The following PDE10A variants were observed in gnomAD, a reference collection of about 807,000 sequenced individuals.
PDE10A encodes the protein phosphodiesterase 10A.
A neutral mutation model predicts 97.7 loss-of-function variants in PDE10A; 39 were observed. The observed-to-expected ratio is 0.40, with a 90% confidence interval of 0.31 to 0.52. The LOEUF (loss-of-function observed/expected upper bound fraction) is 0.52, where lower values mean the gene tolerates loss of function less well. PDE10A is among the 20% of genes least tolerant of loss of function. The pLI is 0.56. For synonymous variants in PDE10A, 371 were observed against 376.8 expected, an observed-to-expected ratio of 0.98 and a Z score of 0.18; for missense variants, 731 against 1,047.8, an observed-to-expected ratio of 0.70 and a Z score of 4.17.
rs1790366485 is a variant in PDE10A, at chr6:165,662,929, G to A, written c.-118C>T. On this transcript the variant is annotated 5_prime_UTR_variant, in exon 1 of 22. Transcript: ENST00000539869. ...ACCCCTGCCGGCCGCCCGAACCGCTGCCTGGTCCTCCTCTCCGGTCTTCGG... is the reference window on the plus strand; with the variant it reads ...ACCCCTGCCGGCCGCCCGAACCGCTACCTGGTCCTCCTCTCCGGTCTTCGG... 6.6e-6 allele frequency among the ~76,000 whole-genome samples: 1 copy of A among 151,352 alleles called. No individual in the cohort carries two copies. Among genetic ancestry groups the A allele is most frequent in the Admixed American group, 6.6e-5 (1 of 15,248 alleles).
chr6:165,817,583 T>A (rs1298640139), intron 1 of PDE10A, among the ~76,000 whole-genome samples: 1 of 152,144 alleles, frequency 6.6e-6, no homozygotes, highest in Admixed American at 6.5e-5. Context: ...CTAGATGTAG[T>A]TAAACTGTAG....
intron 1 of PDE10A, among the ~76,000 whole-genome samples, chr6:165,919,336 A>G (rs1257334129): frequency 1.3e-5 from 2 of 152,256 alleles, no homozygotes; most frequent in East Asian, 1.9e-4. Context: ...AAGGCACTAC[A>G]TGCCATGAGC....
At chr6:165,774,526 A>G (rs1583069710) in intron 1 of PDE10A, among the ~76,000 whole-genome samples, 1 of 148,008 alleles carries the variant, frequency 6.8e-6, no homozygotes, top group East Asian at 1.9e-4. Context: ...TATATTACAT[A>G]TTATATATAA....
chr6:165,761,388 G>A (rs1013103343), intron 1 of PDE10A, among the ~76,000 whole-genome samples: 3 of 152,226 alleles, frequency 2.0e-5, no homozygotes, highest in Admixed American at 1.3e-4. Flanking sequence ...CTAAGTCCAT[G>A]CTCAGTTGAC....
At position 165,723,830 on chromosome 6, in the gene PDE10A, C is replaced by T. The variant is rs376541743; in HGVS notation, c.-614-180262G>A. ...GCCATTTGGGAGGTATGGGAACAAA[C>T]GAGAAATAAGATAAAGGTGTTTTTT... is the stretch of plus-strand genomic sequence containing the variant. On this transcript the variant is annotated intron_variant, in intron 1 of 19. Transcript: ENST00000366882. Among the ~76,000 whole-genome samples, 163 of 147,028 alleles carry T rather than the reference C, an allele frequency of 1.1e-3. 1 individual carries two copies. The highest frequency in any genetic ancestry group is 3.8e-3 in the African/African-American group (147 of 39,004).
rs146035579 is a variant in PDE10A at position 165,711,313 on chromosome 6, A to G, written c.-614-167745T>C. Among the ~76,000 whole-genome samples, 72 of 152,284 alleles carry G rather than the reference A, an allele frequency of 4.7e-4. No homozygotes were observed. The highest frequency in any genetic ancestry group is 1.7e-3 in the African/African-American group (69 of 41,568). ...GGCCCTTCAAGTTGGGCACTGTGGC[A>G]CCATTACAGATGGTATGATTCAGCG... On this transcript the variant is annotated intron_variant, in intron 1 of 19. Transcript: ENST00000366882. This position sits in a 1 kb window ranked among gnomAD's most constrained non-coding sequence, Gnocchi z 4.5.
intron 1 of PDE10A, among the ~76,000 whole-genome samples, chr6:165,577,650 G>C (rs1375171128): frequency 6.6e-6 from 1 of 152,154 alleles, no homozygotes; most frequent in African/African-American, 2.4e-5. Context: ...CCCCACACGT[G>C]GGCCGCCTGC....
intron 1 of PDE10A, among the ~76,000 whole-genome samples, chr6:165,880,392 A>C (rs1339170184): frequency 6.6e-6 from 1 of 152,188 alleles, no homozygotes; most frequent in African/African-American, 2.4e-5. Context: ...GAGAATTGGT[A>C]CTAGGAGTGG....
chr6:165,902,349 C>T (rs113842078), intron 1 of PDE10A, among the ~76,000 whole-genome samples: 2 of 152,160 alleles, frequency 1.3e-5, no homozygotes, highest in South Asian at 2.1e-4. Flanking sequence ...AGCCGGCTGC[C>T]GAGCTGTGAG....
chr6:165,543,980 T>A (rs1783604750), intron 1 of PDE10A, among the ~76,000 whole-genome samples: 1 of 152,188 alleles, frequency 6.6e-6, no homozygotes, highest in Non-Finnish European at 1.5e-5. Flanking sequence ...TAGCAATAAA[T>A]TTCAGAGTTA....
chr6:165,526,351 C>A (rs1782446145), intron 2 of PDE10A, among the ~76,000 whole-genome samples: 1 of 152,152 alleles, frequency 6.6e-6, no homozygotes, highest in South Asian at 2.1e-4. Context: ...GTGGTCATTT[C>A]CCCAGTGTCA....
chr6:165,873,208 CA>C (rs1436456333), intron 1 of PDE10A, among the ~76,000 whole-genome samples: 13 of 152,264 alleles, frequency 8.5e-5, no homozygotes, highest in South Asian at 4.1e-4. Context: ...AAGATGATGT[CA>C]AAATCATCTC....
intron 9 of PDE10A, 139 bp downstream of exon 9, chr6:165,430,139 ATAATATGAT>A: frequency 1.7e-6 from 1 of 596,508 alleles, no homozygotes; most frequent in Non-Finnish European, 3.0e-6. Context: ...TCTACAATCC[ATAATATGAT>A]TAACCGTTCC....
At chr6:165,839,005 T>C (rs1384887808) in intron 1 of PDE10A, among the ~76,000 whole-genome samples, 1 of 152,252 alleles carries the variant, frequency 6.6e-6, no homozygotes, top group Non-Finnish European at 1.5e-5. Flanking sequence ...TGAAAATATA[T>C]GACATTTGTG....
intron 1 of PDE10A, among the ~76,000 whole-genome samples, chr6:165,691,504 G>A (rs918085899): frequency 3.3e-5 from 5 of 151,516 alleles, no homozygotes; most frequent in Admixed American, 6.6e-5. Context: ...CAACAAAATC[G>A]CCTGATAACA....
Position 165,418,966 on chromosome 6 carries a change from T to C in PDE10A, c.1654-189A>G, listed in dbSNP as rs572385908. On this transcript the variant is annotated intron_variant, in intron 10 of 21. Transcript: ENST00000539869. This position sits in a 1 kb window ranked among gnomAD's most constrained non-coding sequence, Gnocchi z 4.8. ...ATATGATATAAAAGTCACTGTTACATGCTAATACTAACAGATCCCAACAGA... is the reference window on the plus strand; with the variant it reads ...ATATGATATAAAAGTCACTGTTACACGCTAATACTAACAGATCCCAACAGA... 1.3e-5 allele frequency among the ~76,000 whole-genome samples: 2 copies of C among 152,336 alleles called. No homozygotes were observed. Among genetic ancestry groups the C allele is most frequent in the Admixed American group, 6.5e-5 (1 of 15,298 alleles).
At chr6:165,438,346 G>A (rs1394972786) in intron 5 of PDE10A, among the ~76,000 whole-genome samples, 5 of 152,004 alleles carry the variant, frequency 3.3e-5, no homozygotes, top group African/African-American at 9.7e-5. Context: ...GTGCCACCAC[G>A]CCCAGCTAAT....
At chr6:165,424,384 A>C (rs1434551237) in intron 10 of PDE10A, among the ~76,000 whole-genome samples, 11 of 152,148 alleles carry the variant, frequency 7.2e-5, no homozygotes, top group Non-Finnish European at 1.6e-4. Flanking sequence ...ACTATGTATT[A>C]TAGGAATATA....
chr6:165,468,764 A>C (rs1778813236), intron 3 of PDE10A, among the ~76,000 whole-genome samples: 1 of 152,204 alleles, frequency 6.6e-6, no homozygotes, highest in South Asian at 2.1e-4. Flanking sequence ...TCTTTAACAA[A>C]CCACAATCTA....
Sources: gnomAD v4.1 joint callset for allele counts (sites outside exome capture counted in the v4.1 genomes callset) on GRCh38, gnomAD v4.1.1 for gene constraint, Gnocchi (gnomAD v3.1) non-coding constraint, MANE v1.5 for transcripts, NCBI Gene and HGNC (gene_info 2026-07-23, HGNC 2026-07-21) for gene names.